Variants in LOXHD1 observed in about 807,000 individuals in gnomAD.
The protein encoded by LOXHD1 is lipoxygenase homology PLAT domains 1.
A neutral mutation model predicts 248.2 loss-of-function variants in LOXHD1; 205 were observed. That is an observed-to-expected ratio of 0.83 (90% CI 0.74 to 0.93). The LOEUF is 0.93. Among genes scored for constraint, LOXHD1 ranks in the 40% least tolerant of loss-of-function variants. The pLI is 0.00. For missense variants in LOXHD1, 2,930 were observed against 2,971.6 expected, an observed-to-expected ratio of 0.99 and a Z score of 0.33; for synonymous variants, 1,113 against 1,162.8, an observed-to-expected ratio of 0.96 and a Z score of 0.87.
At chr18:46,602,160 A>C (rs1599041503) in intron 7 of LOXHD1, among the ~76,000 whole-genome samples, 2 of 152,210 alleles carry the variant, frequency 1.3e-5, no homozygotes, top group Non-Finnish European at 2.9e-5. Context: ...ACATTTGGAC[A>C]GGCAATTCTA....
intron 7 of LOXHD1, 128 bp downstream of exon 7, chr18:46,603,978 G>A (rs938079277): frequency 7.9e-7 from 1 of 1,265,508 alleles, no homozygotes; most frequent in African/African-American, 1.5e-5. Flanking sequence ...TCAGGAGCAG[G>A]AGGAATGCTG....
At chr18:46,622,306 T>C (rs1599056237) in intron 4 of LOXHD1, among the ~76,000 whole-genome samples, 1 of 152,390 alleles carries the variant, frequency 6.6e-6, no homozygotes, top group African/African-American at 2.4e-5. Flanking sequence ...TATGTGGCTA[T>C]GCTACAGTAA....
intron 38 of LOXHD1, 88 bp from the exon 39 acceptor site, chr18:46,485,239 C>T: frequency 4.1e-6 from 6 of 1,466,718 alleles, no homozygotes; most frequent in Non-Finnish European, 4.6e-6. Flanking sequence ...GCCTCCGGTC[C>T]TTCATTTGAT....
chr18:46,490,823 A>T (rs898652089), intron 37 of LOXHD1, among the ~76,000 whole-genome samples: 1 of 152,184 alleles, frequency 6.6e-6, no homozygotes, highest in African/African-American at 2.4e-5. Flanking sequence ...TTAATCTTTC[A>T]ATTTTTCTAC....
At chr18:46,489,253 C>G in intron 37 of LOXHD1, 111 bp from the exon 38 acceptor site, 1 of 1,123,024 alleles carries the variant, frequency 8.9e-7, no homozygotes, top group Admixed American at 2.0e-5. Flanking sequence ...AGTTATCTGT[C>G]CTCTTTGGGC....
chr18:46,656,414 G>A (rs1054554077), intron 1 of LOXHD1, among the ~76,000 whole-genome samples: 1 of 152,116 alleles, frequency 6.6e-6, no homozygotes, highest in African/African-American at 2.4e-5. Context: ...CCAGAGCACC[G>A]GCCGCCTTCG....
chr18:46,577,736 C>T lies in LOXHD1; in HGVS notation c.1941G>A (p.Glu647=), dbSNP rs1236035040. The change falls in exon 14 of 41, where the codon GAG becomes GAA. Residue 647 remains glutamate, a synonymous_variant. Transcript: ENST00000642948. The part of the protein sequence containing the change: ...RVLVREEGQP[E]SDNVEFPCLR... ...GACATGGGAACTCCACGTTGTCGCT[C>T]TCAGGCTGCCCCTCCTCTCTCACCA... The T allele has an allele frequency of 1.7e-5, 27 of 1,551,526 alleles. No homozygotes were observed. The East Asian group carries it at 6.4e-4, about 36-fold the overall frequency.
chr18:46,488,879 C>G (rs991255026), intron 38 of LOXHD1, 93 bp downstream of exon 38: 36 of 1,365,036 alleles, frequency 2.6e-5, no homozygotes, highest in Non-Finnish European at 3.5e-5. Context: ...TTCCCTGTAT[C>G]TGGCACCTGA....
At chr18:46,655,395 C>A (rs558879925) in intron 1 of LOXHD1, among the ~76,000 whole-genome samples, 6 of 152,134 alleles carry the variant, frequency 3.9e-5, no homozygotes, top group African/African-American at 1.4e-4. Flanking sequence ...ATGCAGAGCC[C>A]GTAAACAGAA....
At chr18:46,636,421 G>A (rs2038893327) in intron 4 of LOXHD1, among the ~76,000 whole-genome samples, 1 of 152,164 alleles carries the variant, frequency 6.6e-6, no homozygotes, top group African/African-American at 2.4e-5. Context: ...TCCCATTAGA[G>A]GAACACCTGG....
At position 46,545,354 on chromosome 18, in the gene LOXHD1, A is replaced by G. The variant is rs1221942681; in HGVS notation, c.3582T>C (p.Asn1194=). The G allele has an allele frequency of 6.4e-7, 1 of 1,551,966 alleles. No individual in the cohort carries two copies. Among genetic ancestry groups the G allele is most frequent in the South Asian group, 1.2e-5 (1 of 84,058 alleles). The change falls in exon 23 of 41, where the codon AAT becomes AAC. Residue 1194 remains asparagine, a synonymous_variant. Transcript: ENST00000642948. ...GVKKNAGTDA[N]VFITLFGTQD... ...GTGTGCCAAAGAGTGTGATGAAGAC[A>G]TTAGCATCTGTGCCCGCATTCTTCT...
At chr18:46,584,329 A>C (rs328160) in intron 12 of LOXHD1, among the ~76,000 whole-genome samples, 6 of 151,946 alleles carry the variant, frequency 3.9e-5, no homozygotes, top group Non-Finnish European at 8.8e-5. Flanking sequence ...CAGTATAATG[A>C]CTATAGTTAA....
At chr18:46,521,975 C>CCTG (rs2035597084) in intron 32 of LOXHD1, 126 bp downstream of exon 32, 1 of 758,730 alleles carries the variant, frequency 1.3e-6, no homozygotes, top group Admixed American at 2.9e-5. Flanking sequence ...TTCTCTGCTA[C>CCTG]CTGCTCTAAG....
At chr18:46,492,035 G>A (rs952753941) in intron 37 of LOXHD1, among the ~76,000 whole-genome samples, 2 of 152,182 alleles carry the variant, frequency 1.3e-5, no homozygotes, top group East Asian at 1.9e-4. Context: ...GCCTTGTTTT[G>A]GAAATTTTGG....
At chr18:46,528,394 G>A (rs2035917288) in intron 29 of LOXHD1, among the ~76,000 whole-genome samples, 1 of 152,094 alleles carries the variant, frequency 6.6e-6, no homozygotes, top group African/African-American at 2.4e-5. Flanking sequence ...GGGGAGCCAA[G>A]CTTGCGAGAA....
chr18:46,557,541 T>A, intron 20 of LOXHD1, 52 bp from the exon 21 acceptor site: 1 of 1,549,046 alleles, frequency 6.5e-7, no homozygotes, highest in Non-Finnish European at 8.7e-7. Flanking sequence ...CCTCCCCACA[T>A]GGCCATCAGC....
At chr18:46,619,632 G>T (rs943770819) in intron 4 of LOXHD1, among the ~76,000 whole-genome samples, 18 of 152,340 alleles carry the variant, frequency 1.2e-4, no homozygotes, top group Admixed American at 1.1e-3. Flanking sequence ...CCAGGAAGTT[G>T]CTCAGGGCAA....
chr18:46,651,347 C>G (rs763358048), intron 1 of LOXHD1, among the ~76,000 whole-genome samples: 5 of 152,160 alleles, frequency 3.3e-5, no homozygotes, highest in African/African-American at 7.2e-5. Context: ...TCTTAATAGT[C>G]TATACCACAG....
intron 7 of LOXHD1, among the ~76,000 whole-genome samples, chr18:46,603,335 A>T (rs2038366806): frequency 1.3e-5 from 2 of 152,024 alleles, no homozygotes; most frequent in South Asian, 4.2e-4. Context: ...GAAGAATGGA[A>T]GGTGTGAATG....
Sources: allele counts gnomAD v4.1 joint callset (sites outside exome capture counted in the v4.1 genomes callset), GRCh38; gene constraint gnomAD v4.1.1; transcripts MANE v1.5; gene names NCBI Gene and HGNC (gene_info 2026-07-23, HGNC 2026-07-21).